The following ABTB2 variants were observed in gnomAD, a reference collection of about 807,000 sequenced individuals.
ABTB2 encodes the protein ankyrin repeat and BTB/POZ domain-containing protein 2.
A neutral mutation model predicts 104.1 loss-of-function variants in ABTB2; 56 were observed. The observed-to-expected ratio is 0.54, with a 90% CI of 0.43 to 0.67. The LOEUF (loss-of-function observed/expected upper bound fraction) is 0.67, where lower values mean the gene tolerates loss of function less well. Ranked by LOEUF, ABTB2 falls within the 30% of genes least tolerant of loss-of-function variation. The pLI is 0.00. For missense variants in ABTB2, 1,279 were observed against 1,407.7 expected, an observed-to-expected ratio of 0.91 and a Z score of 1.46; for synonymous variants, 606 against 608.2, an observed-to-expected ratio of 1.00 and a Z score of 0.05.
intron 3 of ABTB2, among the ~76,000 whole-genome samples, chr11:34,196,537 G>C (rs962245104): frequency 3.1e-4 from 47 of 152,248 alleles, no homozygotes; most frequent in African/African-American, 9.4e-4. Flanking sequence ...CTGGGCAATA[G>C]AGCAAGACTC....
In ABTB2 at chr11:34,152,282, A is replaced by G. The variant is rs1852552884; in HGVS notation, c.*105T>C. ...GGGGACATCTGGGGGAGGAGGAGGA[A>G]ACAGCCCCGTGAACCTGGCTCCAAG... On this transcript the variant is annotated 3_prime_UTR_variant, in exon 17 of 17. Coordinates refer to ENST00000435224, the MANE Select transcript of ABTB2 (RefSeq NM_145804.3). 2.3e-6 allele frequency: 3 copies of G among 1,289,644 alleles called. No individual in the cohort carries two copies. Among genetic ancestry groups the G allele is most frequent in the African/African-American group, 3.0e-5 (2 of 67,542 alleles). 79.9% of individuals were successfully genotyped at this position (1,289,644 alleles called of 1,614,324 possible). A position where few individuals can be genotyped will look rare whatever the true frequency, so the allele number is the denominator to read the frequency against.
chr11:34,268,722 C>T (rs150150185), intron 1 of ABTB2, among the ~76,000 whole-genome samples: 98 of 152,248 alleles, frequency 6.4e-4, no homozygotes, highest in Non-Finnish European at 1.1e-3. Context: ...ATCAAGGTGT[C>T]GGCAGGGCCC....
intron 3 of ABTB2, among the ~76,000 whole-genome samples, chr11:34,196,858 A>G (rs1443030614): frequency 2.0e-5 from 3 of 152,230 alleles, no homozygotes; most frequent in Admixed American, 6.5e-5. Context: ...CCTCATAACA[A>G]TGACGGCAGC....
intron 3 of ABTB2, 63 bp from the exon 4 acceptor site, chr11:34,173,370 G>A: frequency 6.7e-7 from 1 of 1,498,004 alleles, no homozygotes; most frequent in Non-Finnish European, 9.0e-7. Context: ...GCAGAGAGAG[G>A]GTCAGGCCTG....
In ABTB2 at chr11:34,197,388, G is replaced by A. The variant is rs1188882732; in HGVS notation, c.1181C>T (p.Pro394Leu). The A allele has an allele frequency of 6.2e-7, 1 of 1,613,792 alleles. No homozygotes were observed. The highest frequency in any genetic ancestry group is 1.3e-5 in the African/African-American group (1 of 75,040). ...LHTLYYFLRCPQMESMENPNL... is the reference protein window; with the variant it reads ...LHTLYYFLRCLQMESMENPNL... ...GGGGTTCTCCATGGACTCCATCTGTGGACACCGCAGAAAGTAGTAGAGCGT... is the reference window on the plus strand; with the variant it reads ...GGGGTTCTCCATGGACTCCATCTGTAGACACCGCAGAAAGTAGTAGAGCGT... Residue 394 changes from proline to leucine, a missense_variant, in exon 3 of 17, where the codon CCA (proline) becomes CTA (leucine). Transcript: ENST00000435224.
chr11:34,352,635 A>G (rs1256996062), intron 1 of ABTB2, among the ~76,000 whole-genome samples: 1 of 152,238 alleles, frequency 6.6e-6, no homozygotes, highest in Non-Finnish European at 1.5e-5. Flanking sequence ...CTTTCAATCT[A>G]TAGTCTCATT....
intron 1 of ABTB2, among the ~76,000 whole-genome samples, chr11:34,263,697 T>G (rs571935529): frequency 2.0e-5 from 3 of 152,140 alleles, no homozygotes; most frequent in African/African-American, 7.2e-5. Context: ...CTAGGCATGT[T>G]GTAGGCACCC....
chr11:34,212,046 G>A (rs574147789), intron 1 of ABTB2, among the ~76,000 whole-genome samples: 1 of 152,068 alleles, frequency 6.6e-6, no homozygotes, highest in Admixed American at 6.5e-5. Context: ...ATAAGGGGAA[G>A]TTTGAGAAGC....
In ABTB2 at chr11:34,196,279, C is replaced by T. The variant is rs150037312; in HGVS notation, c.1244+1046G>A. Among the ~76,000 whole-genome samples, 281 of 152,332 alleles carry T rather than the reference C, an allele frequency of 1.8e-3. 2 individuals are homozygous for T. The highest frequency in any genetic ancestry group is 6.4e-3 in the African/African-American group (266 of 41,580). On this transcript the variant is annotated intron_variant, in intron 3 of 16. Transcript: ENST00000435224. ...TTAGAAAAGGTATCCTAAGACCGGGCGCGGTGGCTCACGCCTGTAATCCCA... is the reference window on the plus strand; with the variant it reads ...TTAGAAAAGGTATCCTAAGACCGGGTGCGGTGGCTCACGCCTGTAATCCCA...
chr11:34,211,375 G>C (rs1425320527), intron 1 of ABTB2, among the ~76,000 whole-genome samples: 1 of 152,054 alleles, frequency 6.6e-6, no homozygotes, highest in Non-Finnish European at 1.5e-5. Flanking sequence ...TCCCAAATTT[G>C]CTGGGATTAT....
At chr11:34,183,971 T>C (rs1853061324) in intron 3 of ABTB2, among the ~76,000 whole-genome samples, 1 of 151,872 alleles carries the variant, frequency 6.6e-6, no homozygotes, top group African/African-American at 2.4e-5. Context: ...TGGAGTGCAG[T>C]GGTGCAATCA....
chr11:34,316,924 A>G (rs1854939216), intron 1 of ABTB2, among the ~76,000 whole-genome samples: 1 of 152,202 alleles, frequency 6.6e-6, no homozygotes, highest in African/African-American at 2.4e-5. Context: ...GAAGCCCGGG[A>G]GGCACATGGG....
chr11:34,215,612 A>G (rs542686599), intron 1 of ABTB2, among the ~76,000 whole-genome samples: 79 of 152,310 alleles, frequency 5.2e-4, no homozygotes, highest in African/African-American at 1.8e-3. Context: ...CAGCTCTGCC[A>G]CTTACTAGCT....
At chr11:34,237,888 A>T (rs1255524586) in intron 1 of ABTB2, among the ~76,000 whole-genome samples, 1 of 152,054 alleles carries the variant, frequency 6.6e-6, no homozygotes, top group Non-Finnish European at 1.5e-5. Context: ...ACAAGAGTGA[A>T]ACTCCACTCA....
At chr11:34,286,663 C>T (rs1266836909) in intron 1 of ABTB2, among the ~76,000 whole-genome samples, 1 of 152,148 alleles carries the variant, frequency 6.6e-6, no homozygotes, top group Non-Finnish European at 1.5e-5. Flanking sequence ...TTCCAGCATC[C>T]ACCTCTAGAT....
In ABTB2 at chr11:34,356,820, C is replaced by T; in HGVS notation, c.764G>A (p.Gly255Glu). Residue 255 changes from glycine to glutamate, a missense_variant, in exon 1 of 17, where the codon GGA (glycine) becomes GAA (glutamate). Gly to Glu is a moderately conservative substitution (Grantham distance 98). Coordinates refer to ENST00000435224, the MANE Select transcript of ABTB2 (RefSeq NM_145804.3). The surrounding 1 kb of genome is among the most constrained non-coding windows in gnomAD (Gnocchi z 4.6). ...RVMASHSPDG[G>E]GAGGGEVSAE... ...AGACACCTCCCCGCCTCCGGCCCCT[C>T]CGCCATCAGGGCTGTGGCTGGCCAT... 6.2e-7 allele frequency: 1 copy of T among 1,607,368 alleles called. No homozygotes were observed. Among genetic ancestry groups the T allele is most frequent in the Non-Finnish European group, 8.5e-7 (1 of 1,176,960 alleles).
chr11:34,213,467 C>G (rs901768453), intron 1 of ABTB2, among the ~76,000 whole-genome samples: 1 of 152,042 alleles, frequency 6.6e-6, no homozygotes, highest in African/African-American at 2.4e-5. Context: ...GGCAAGAGAG[C>G]GAGACGCCAT....
intron 1 of ABTB2, among the ~76,000 whole-genome samples, chr11:34,223,823 A>T (rs2133052219): frequency 6.6e-6 from 1 of 152,226 alleles, no homozygotes; most frequent in Admixed American, 6.5e-5. Flanking sequence ...GGGTGGAGAA[A>T]ACTACTAGAA....
intron 1 of ABTB2, among the ~76,000 whole-genome samples, chr11:34,232,201 C>A (rs900454893): frequency 1.3e-5 from 2 of 152,108 alleles, no homozygotes; most frequent in African/African-American, 4.8e-5. Flanking sequence ...GTAATCCCAG[C>A]ACTTGGGGAG....
Sources: allele counts gnomAD v4.1 joint callset (sites outside exome capture counted in the v4.1 genomes callset), GRCh38; gene constraint gnomAD v4.1.1; non-coding constraint Gnocchi (gnomAD v3.1); transcripts MANE v1.5; gene names NCBI Gene and HGNC (gene_info 2026-07-23, HGNC 2026-07-21).